TRPM6: variants seen among roughly 807,000 people sequenced by gnomAD.
The protein encoded by TRPM6 is channel kinase 2.
A neutral mutation model predicts 247.6 loss-of-function variants in TRPM6; 111 were observed. The ratio of observed to expected loss-of-function variants is 0.45; its 90% CI spans 0.38 to 0.52. The LOEUF (loss-of-function observed/expected upper bound fraction) is 0.52, where lower values mean the gene tolerates loss of function less well. TRPM6 is among the 20% of genes least tolerant of loss of function. TRPM6 has a pLI of 0.00. For missense variants in TRPM6, 2,126 were observed against 2,421.5 expected, an observed-to-expected ratio of 0.88 and a Z score of 2.56; for synonymous variants, 892 against 853.8, an observed-to-expected ratio of 1.04 and a Z score of -0.78.
In TRPM6 at chr9:74,742,578, G is replaced by A. The variant is rs1825899860; in HGVS notation, c.5183C>T (p.Thr1728Ile). Residue 1728 changes from threonine to isoleucine, a missense_variant, in exon 33 of 39, where the codon ACA (threonine) becomes ATA (isoleucine). This residue lies in a region of TRPM6 where 327 missense variants were observed against 397.7 expected (regional missense o/e 0.82). Coordinates refer to ENST00000360774, the MANE Select transcript of TRPM6 (RefSeq NM_017662.5). ...LMRLSQTIPF[T>I]PVQLFAGEEI... ...CTACTCACCAAACAGTTGGACTGGT[G>A]TAAATGGTATGGTCTGAGAAAGCCT... The A allele has an allele frequency of 1.2e-6, 2 of 1,613,944 alleles. No homozygotes were observed. The highest frequency in any genetic ancestry group is 1.1e-5 in the South Asian group (1 of 91,080).
intron 12 of TRPM6, 151 bp downstream of exon 12, chr9:74,812,148 G>T: frequency 3.1e-6 from 3 of 958,510 alleles, no homozygotes; most frequent in Non-Finnish European, 4.8e-6. Context: ...GGGGAAAGAA[G>T]CCTGGAACTA....
chr9:74,883,089 C>T (rs907764480), intron 1 of TRPM6, among the ~76,000 whole-genome samples: 1 of 152,074 alleles, frequency 6.6e-6, no homozygotes, highest in African/African-American at 2.4e-5. Flanking sequence ...TCTATAGATG[C>T]CTCATAAGTG....
At chr9:74,781,903 G>T (rs1443385661) in intron 23 of TRPM6, among the ~76,000 whole-genome samples, 1 of 152,192 alleles carries the variant, frequency 6.6e-6, no homozygotes, top group Non-Finnish European at 1.5e-5. Flanking sequence ...AAAAGAAAAG[G>T]ATGATCGTGT....
Position 74,746,346 on chromosome 9 carries a change from A to G in TRPM6, c.5083+1543T>C, listed in dbSNP as rs377319588. Among the ~76,000 whole-genome samples the G allele has an allele frequency of 1.5e-3, 227 of 152,302 alleles. 7 individuals are homozygous for G. The South Asian group carries it at 0.046, about 31-fold the overall frequency. On this transcript the variant is annotated intron_variant, in intron 31 of 38. Transcript: ENST00000360774. ...GGGATGTAGGGATGTGAAAAAATGG[A>G]AGACAAGTATTCCAAGACTTTGGCC...
Position 74,884,850 on chromosome 9 carries a change from A to C in TRPM6, c.33+2974T>G, listed in dbSNP as rs535953299. The stretch of plus-strand genomic sequence containing the variant: ...GAATGTGCTCCATCAAAATGATAGA[A>C]GAAATCAAAAAAGACTAAGGTGTGG... On this transcript the variant is annotated intron_variant, in intron 1 of 38. Coordinates refer to ENST00000360774, the MANE Select transcript of TRPM6 (RefSeq NM_017662.5). Among the ~76,000 whole-genome samples the C allele has an allele frequency of 5.6e-3, 850 of 152,322 alleles. 7 individuals are homozygous for C. The highest frequency in any genetic ancestry group is 0.019 in the African/African-American group (798 of 41,564).
intron 1 of TRPM6, among the ~76,000 whole-genome samples, chr9:74,874,200 C>A (rs1306170278): frequency 6.6e-6 from 1 of 150,768 alleles, no homozygotes; most frequent in Non-Finnish European, 1.5e-5. Flanking sequence ...TGTGCCACTG[C>A]ACTCCAGCCT....
intron 11 of TRPM6, among the ~76,000 whole-genome samples, chr9:74,815,421 C>G (rs1828892562): frequency 6.6e-6 from 1 of 152,142 alleles, no homozygotes; most frequent in African/African-American, 2.4e-5. Flanking sequence ...TGTAAGTCCT[C>G]AAAATATGTA....
chr9:74,855,452 A>G, intron 3 of TRPM6, 75 bp downstream of exon 3: 1 of 1,011,440 alleles, frequency 9.9e-7, no homozygotes, highest in East Asian at 2.4e-5. Flanking sequence ...CATTCAAGAT[A>G]TGAGGAAACT....
intron 24 of TRPM6, among the ~76,000 whole-genome samples, chr9:74,773,622 T>C (rs1827122525): frequency 6.6e-6 from 1 of 152,176 alleles, no homozygotes; most frequent in Non-Finnish European, 1.5e-5. Flanking sequence ...TATAATGAAG[T>C]GATGCTGCTA....
intron 21 of TRPM6, among the ~76,000 whole-genome samples, chr9:74,785,102 G>A (rs1326046900): frequency 1.3e-5 from 2 of 152,022 alleles, no homozygotes; most frequent in African/African-American, 2.4e-5. Flanking sequence ...GCAAGACCCT[G>A]TCTCACATAA....
chr9:74,763,076 C>A lies in TRPM6; in HGVS notation c.3595G>T (p.Asp1199Tyr). The part of the protein sequence containing the change: ...EMNEKVSFIK[D>Y]SLLSLDSQVG... The stretch of plus-strand genomic sequence containing the variant: ...TGGCTGTCCAAAGACAGTAAGGAGT[C>A]CTTTATAAAAGACACCTTTTCATTC... Residue 1199 changes from aspartate (D) to tyrosine (Y), a missense_variant, in exon 26 of 39, where the codon GAC (aspartate) becomes TAC (tyrosine). By Grantham distance (160) the Asp-to-Tyr change is radical (BLOSUM62 -3). This residue lies in a region of TRPM6 where 717 missense variants were observed against 715.9 expected (regional missense o/e 1.00). Coordinates refer to ENST00000360774, the MANE Select transcript of TRPM6 (RefSeq NM_017662.5). 6.2e-7 allele frequency: 1 copy of A among 1,614,002 alleles called. No individual in the cohort carries two copies. The highest frequency in any genetic ancestry group is 8.5e-7 in the Non-Finnish European group (1 of 1,180,000).
Position 74,827,858 on chromosome 9 carries a change from C to T in TRPM6, c.761G>A (p.Gly254Glu), listed in dbSNP as rs1357058504. ...TTCATTTCCATACTTGCCCACGGTC[C>T]CATCATCAGACAGGATGAAGTGCGA... The part of the protein sequence containing the change: ...MHSHFILSDD[G>E]TVGKYGNEMK... The change falls in exon 7 of 39, where the codon GGG (glycine) becomes GAG (glutamate). Residue 254 changes from glycine (G) to glutamate (E), a missense_variant. Coordinates refer to ENST00000360774, the MANE Select transcript of TRPM6 (RefSeq NM_017662.5). 6.2e-7 allele frequency: 1 copy of T among 1,614,028 alleles called. No homozygotes were observed. The highest frequency in any genetic ancestry group is 8.5e-7 in the Non-Finnish European group (1 of 1,180,014).
At chr9:74,807,922 A>G in intron 14 of TRPM6, 112 bp downstream of exon 14, 1 of 1,221,032 alleles carries the variant, frequency 8.2e-7, no homozygotes. Flanking sequence ...ATGTCCATAA[A>G]TAAAATGACC....
Position 74,867,996 on chromosome 9 carries a change from CA to C in TRPM6, c.34-9249del, listed in dbSNP as rs537378993. Among the ~76,000 whole-genome samples, 10 of 148,730 alleles carry C rather than the reference CA, an allele frequency of 6.7e-5. No homozygotes were observed. The East Asian group carries it at 1.8e-3, about 27-fold the overall frequency. ...GGCGAAACCCCAACTCTATTAAAAA[CA>C]AAAAAAATTAGCTGGGCATGGTGGC... is the stretch of plus-strand genomic sequence containing the variant. On this transcript the variant is annotated intron_variant, in intron 1 of 38. Coordinates refer to ENST00000360774, the MANE Select transcript of TRPM6 (RefSeq NM_017662.5).
chr9:74,809,976 CAAAAAAA>C (rs57812269), intron 13 of TRPM6, among the ~76,000 whole-genome samples: 2 of 33,566 alleles, frequency 6.0e-5, no homozygotes, highest in African/African-American at 8.1e-5. Context: ...AACTCCATCT[CAAAAAAA>C]AAAAAAAAAA....
intron 1 of TRPM6, among the ~76,000 whole-genome samples, chr9:74,884,849 A>G (rs986340611): frequency 2.0e-5 from 3 of 152,190 alleles, no homozygotes; most frequent in Non-Finnish European, 4.4e-5. Flanking sequence ...AAAATGATAG[A>G]AGAAATCAAA....
In TRPM6 at chr9:74,760,419, C is replaced by T. The variant is rs184018846; in HGVS notation, c.4785+1277G>A. On this transcript the variant is annotated intron_variant, in intron 27 of 38. Coordinates refer to ENST00000360774, the MANE Select transcript of TRPM6 (RefSeq NM_017662.5). Reference sequence around the variant, plus strand: ...TTTATAGCCTAGGAGCAACAGGCTACATCATACAGACTAGGCATGTGGTAG... The same window carrying T: ...TTTATAGCCTAGGAGCAACAGGCTATATCATACAGACTAGGCATGTGGTAG... 1.4e-4 allele frequency among the ~76,000 whole-genome samples: 21 copies of T among 152,292 alleles called. 1 individual carries two copies. Among genetic ancestry groups the T allele is most frequent in the Admixed American group, 2.6e-4 (4 of 15,300 alleles).
intron 1 of TRPM6, among the ~76,000 whole-genome samples, chr9:74,870,136 A>G (rs1195861291): frequency 6.6e-6 from 1 of 152,200 alleles, no homozygotes; most frequent in Non-Finnish European, 1.5e-5. Context: ...GGTTCTACGG[A>G]TCACAAAGCA....
At chr9:74,883,847 A>T (rs570951073) in intron 1 of TRPM6, among the ~76,000 whole-genome samples, 14 of 152,308 alleles carry the variant, frequency 9.2e-5, no homozygotes, top group Admixed American at 5.2e-4. Context: ...TCAATAAAAT[A>T]AAATTAAATT....
Sources: gnomAD v4.1 joint callset for allele counts (sites outside exome capture counted in the v4.1 genomes callset) on GRCh38, gnomAD v4.1.1 for gene constraint, gnomAD v4.1.1 regional missense constraint, MANE v1.5 for transcripts, NCBI Gene and HGNC (gene_info 2026-07-23, HGNC 2026-07-21) for gene names.